Variants in HPS5 observed in about 807,000 individuals in gnomAD.
The protein encoded by HPS5 is BLOC-2 complex member HPS5.
Under a neutral mutation model 128.0 loss-of-function variants are expected in HPS5, and 83 were observed. The ratio of observed to expected loss-of-function variants is 0.65; its 90% CI spans 0.54 to 0.78. The LOEUF is 0.78. Among genes scored for constraint, HPS5 ranks in the 30% least tolerant of loss-of-function variants. The pLI is 0.00. For synonymous variants in HPS5, 475 were observed against 470.2 expected (o/e 1.01, Z -0.13); for missense variants, 1,281 against 1,326.2 (o/e 0.97, Z 0.53).
At chr11:18,310,135 T>A (rs1862804421) in intron 5 of HPS5, among the ~76,000 whole-genome samples, 1 of 152,180 alleles carries the variant, frequency 6.6e-6, no homozygotes, top group South Asian at 2.1e-4. Flanking sequence ...AGCAGGACAA[T>A]GAGAAGCTGG....
At chr11:18,318,243 AT>A (rs1459978193) in intron 1 of HPS5, among the ~76,000 whole-genome samples, 1 of 152,206 alleles carries the variant, frequency 6.6e-6, no homozygotes, top group Non-Finnish European at 1.5e-5. Context: ...TTGCTGCTGC[AT>A]TTCTATGAAT....
intron 13 of HPS5, 46 bp downstream of exon 13, chr11:18,295,953 A>C: frequency 6.3e-7 from 1 of 1,583,108 alleles, no homozygotes; most frequent in Non-Finnish European, 8.7e-7. Context: ...GTGAGAACTG[A>C]AATAAGATCA....
Position 18,287,621 on chromosome 11 carries a change from C to T in HPS5, c.2631G>A (p.Ser877=), listed in dbSNP as rs765611720. ...GATGATGACAAAGTTGTATGATATC[C>T]GATGGCAAAATGGATGGAAAGAACT... ...LIKFFPSILP[S]DIIQLCHHHP... is the part of the protein sequence containing the mutation. The change falls in exon 18 of 23, where the codon TCG becomes TCA. Residue 877 remains serine (S), a synonymous_variant. Coordinates refer to ENST00000349215, the MANE Select transcript of HPS5 (RefSeq NM_181507.2). 16 of 1,613,970 alleles carry T rather than the reference C, an allele frequency of 9.9e-6. No individual in the cohort carries two copies. Among genetic ancestry groups the T allele is most frequent in the African/African-American group, 1.3e-5 (1 of 74,902 alleles).
In HPS5 at chr11:18,309,087, G is replaced by T. The variant is rs1862679132; in HGVS notation, c.478-8C>A. 16 of 1,612,992 alleles carry T rather than the reference G, an allele frequency of 9.9e-6. No individual in the cohort carries two copies. The highest frequency in any genetic ancestry group is 1.2e-5 in the Non-Finnish European group (14 of 1,179,172). On this transcript the variant is annotated splice_region_variant and splice_polypyrimidine_tract_variant and intron_variant, in intron 5 of 22. Coordinates refer to ENST00000349215, the MANE Select transcript of HPS5 (RefSeq NM_181507.2). ...CACAAAAGCAGCAGCTGCCTAAAAGGAATGTGAGAAAGAAATAAAGTTTAT... is the reference window on the plus strand; with the variant it reads ...CACAAAAGCAGCAGCTGCCTAAAAGTAATGTGAGAAAGAAATAAAGTTTAT...
At chr11:18,301,256 G>A (rs1244643430) in intron 8 of HPS5, among the ~76,000 whole-genome samples, 1 of 152,044 alleles carries the variant, frequency 6.6e-6, no homozygotes, top group Non-Finnish European at 1.5e-5. Context: ...AGGAGTTTGA[G>A]ACTAGCCAGA....
chr11:18,286,955 A>C, intron 18 of HPS5: 2 of 613,176 alleles, frequency 3.3e-6, no homozygotes, highest in Admixed American at 3.0e-5. Flanking sequence ...AAAGAGACAA[A>C]TAAAAACCAG....
chr11:18,297,455 TAAATGG>T, intron 11 of HPS5, 98 bp downstream of exon 11: 1 of 1,102,928 alleles, frequency 9.1e-7, no homozygotes, highest in Non-Finnish European at 1.4e-6. Flanking sequence ...CCAAAAAACA[TAAATGG>T]AAAGGACAAC....
At chr11:18,283,057 A>T (rs145806392) in intron 21 of HPS5, among the ~76,000 whole-genome samples, 85 of 152,272 alleles carry the variant, frequency 5.6e-4, no homozygotes, top group African/African-American at 1.7e-3. Context: ...GCTGGAGTGC[A>T]GTGGTGCGAT....
intron 7 of HPS5, 114 bp downstream of exon 7, chr11:18,306,021 C>G (rs1246446275): frequency 1.2e-6 from 1 of 839,300 alleles, no homozygotes. Flanking sequence ...CGTGTGCCAA[C>G]ACGCCCAGCC....
rs1052690898 is a variant in HPS5, at chr11:18,306,229, T to C, written c.730A>G (p.Arg244Gly). Residue 244 changes from arginine (R) to glycine (G), a missense_variant, in exon 7 of 23, where the codon AGG becomes GGG. By Grantham distance (125) the Arg-to-Gly change is moderately radical. Coordinates refer to ENST00000349215, the MANE Select transcript of HPS5 (RefSeq NM_181507.2). ...PLIYCARPGS[R>G]MWEVNFDGEV... is the part of the protein sequence containing the mutation. The stretch of plus-strand genomic sequence containing the variant: ...CCATCAAAGTTCACTTCCCACATCC[T>C]AGAGCCTGGGCGAGCACAATATATC... 17 of 1,614,138 alleles carry C rather than the reference T, an allele frequency of 1.1e-5. No individual in the cohort carries two copies. Among genetic ancestry groups the C allele is most frequent in the Non-Finnish European group, 1.3e-5 (15 of 1,179,980 alleles).
In HPS5 at chr11:18,296,849, G is replaced by C. The variant is rs747584462; in HGVS notation, c.1459C>G (p.Gln487Glu). 13 of 1,613,968 alleles carry C rather than the reference G, an allele frequency of 8.1e-6. No individual in the cohort carries two copies. The highest frequency in any genetic ancestry group is 1.1e-5 in the Non-Finnish European group (13 of 1,179,962). The change falls in exon 12 of 23, where the codon CAG becomes GAG. Residue 487 changes from glutamine (Q) to glutamate (E), a missense_variant. By Grantham distance (29) the Gln-to-Glu change is conservative. Transcript: ENST00000349215. Reference sequence around the variant, plus strand: ...TGATCTGGCAGGTCCTCTTCCTGCTGTGAGGTGAATTCTTTAAATCTCTCA... The same window carrying C: ...TGATCTGGCAGGTCCTCTTCCTGCTCTGAGGTGAATTCTTTAAATCTCTCA... The part of the protein sequence containing the change: ...EDERFKEFTS[Q>E]QEEDLPDQCC...
rs1265954530 is a variant in HPS5, at chr11:18,312,755, T to G, written c.109-731A>C. Reference sequence around the variant, plus strand: ...TGCCCCCACTTTCTTGAGATGTTAATGAGAACAGTAAGACTGGAGACAGGA... The same window carrying G: ...TGCCCCCACTTTCTTGAGATGTTAAGGAGAACAGTAAGACTGGAGACAGGA... On this transcript the variant is annotated intron_variant, in intron 2 of 22. Transcript: ENST00000349215. 3.3e-5 allele frequency among the ~76,000 whole-genome samples: 5 copies of G among 152,078 alleles called. 1 individual carries two copies. The highest frequency in any genetic ancestry group is 7.4e-5 in the Non-Finnish European group (5 of 68,018).
intron 1 of HPS5, among the ~76,000 whole-genome samples, chr11:18,320,560 G>A (rs369126332): frequency 4.6e-5 from 7 of 152,168 alleles, no homozygotes; most frequent in African/African-American, 1.7e-4. Context: ...CAGCTGAAGG[G>A]AACAAGCTGT....
intron 22 of HPS5, among the ~76,000 whole-genome samples, chr11:18,281,076 C>T (rs1209020463): frequency 6.6e-6 from 1 of 150,560 alleles, no homozygotes; most frequent in East Asian, 2.0e-4. Flanking sequence ...GTATCTGGTA[C>T]CAGTAATTTT....
rs1860401664 is a variant in HPS5, at chr11:18,291,509, C to T, written c.2373G>A (p.Lys791=). Residue 791 remains lysine (K), a synonymous_variant, in exon 16 of 23, where the codon AAG becomes AAA. Coordinates refer to ENST00000349215, the MANE Select transcript of HPS5 (RefSeq NM_181507.2). ...TACTGTAACTAAGCTTGATACTCTC[C>T]TTCGCTCTTTTCAAGTTCAGGAGAA... is the stretch of plus-strand genomic sequence containing the variant. ...YFFLLNLKRA[K]ESIKLSYSNS... The T allele has an allele frequency of 3.1e-6, 5 of 1,612,470 alleles. No individual in the cohort carries two copies. The highest frequency in any genetic ancestry group is 4.2e-6 in the Non-Finnish European group (5 of 1,179,346).
At chr11:18,319,882 C>T (rs772937808) in intron 1 of HPS5, among the ~76,000 whole-genome samples, 8 of 151,880 alleles carry the variant, frequency 5.3e-5, no homozygotes, top group African/African-American at 1.2e-4. Flanking sequence ...GAGTCTAGAA[C>T]GAAAGGGACT....
intron 6 of HPS5, among the ~76,000 whole-genome samples, chr11:18,308,652 A>C (rs1862628160): frequency 6.6e-6 from 1 of 151,980 alleles, no homozygotes; most frequent in African/African-American, 2.4e-5. Flanking sequence ...CAGTCTCTAA[A>C]CAAAATACAA....
intron 2 of HPS5, 111 bp downstream of exon 2, chr11:18,317,640 G>C: frequency 6.0e-6 from 6 of 1,000,614 alleles, no homozygotes; most frequent in Non-Finnish European, 7.7e-6. Context: ...AGTATGACTA[G>C]GACAGGTAAG....
intron 11 of HPS5, among the ~76,000 whole-genome samples, chr11:18,297,353 CAA>C (rs1861201693): frequency 6.6e-6 from 1 of 152,120 alleles, no homozygotes; most frequent in African/African-American, 2.4e-5. Context: ...AAATAATAAA[CAA>C]TGACAAAACA....
Sources: allele counts gnomAD v4.1 joint callset (sites outside exome capture counted in the v4.1 genomes callset), GRCh38; gene constraint gnomAD v4.1.1; transcripts MANE v1.5; gene names NCBI Gene and HGNC (gene_info 2026-07-23, HGNC 2026-07-21).